Variants in GRM8 observed in about 807,000 individuals in gnomAD.
The protein encoded by GRM8 is metabotropic glutamate receptor 8.
GRM8 carries 47 observed loss-of-function variants against 87.2 expected under a neutral mutation model. The observed-to-expected ratio is 0.54, with a 90% CI of 0.43 to 0.69. GRM8 has a LOEUF of 0.69. Ranked by LOEUF, GRM8 falls within the 30% of genes least tolerant of loss-of-function variation. GRM8 has a pLI of 0.00. For missense variants in GRM8, 1,019 were observed against 1,139.2 expected, an observed-to-expected ratio of 0.89 and a Z score of 1.52; for synonymous variants, 396 against 404.5, an observed-to-expected ratio of 0.98 and a Z score of 0.25.
chr7:127,211,860 T>G (rs1342866757), intron 2 of GRM8, among the ~76,000 whole-genome samples: 1 of 152,188 alleles, frequency 6.6e-6, no homozygotes, highest in Non-Finnish European at 1.5e-5. Flanking sequence ...AATTACTCGG[T>G]CTAAGGTGTT....
intron 3 of GRM8, chr7:127,084,600 T>C (rs891469165): frequency 6.6e-6 from 1 of 152,126 alleles, no homozygotes; most frequent in Non-Finnish European, 1.5e-5. Context: ...TATAAGTCAA[T>C]AAAATTAAGC....
intron 7 of GRM8, among the ~76,000 whole-genome samples, chr7:126,615,373 A>C (rs1799362463): frequency 6.6e-6 from 1 of 152,188 alleles, no homozygotes; most frequent in Non-Finnish European, 1.5e-5. Context: ...TCCTGAAGGA[A>C]GCACTAAACA....
Position 127,212,410 on chromosome 7 carries a change from A to ATTTTTT in GRM8, c.510+30279_510+30284dup, listed in dbSNP as rs144077638. Among the ~76,000 whole-genome samples the ATTTTTT allele has an allele frequency of 1.9e-3, 186 of 97,676 alleles. 5 individuals are homozygous for ATTTTTT. The highest frequency in any genetic ancestry group is 3.5e-3 in the African/African-American group (77 of 22,122). The allele number at this position is 97,676 out of a possible 152,430, so 64.1% of individuals were successfully genotyped here. The stretch of plus-strand genomic sequence containing the variant: ...TATGAGCACACTAGGACATGGTGTT[A>ATTTTTT]TTTTTTTTTTTTTTTTTTTTTTTTT... On this transcript the variant is annotated intron_variant, in intron 2 of 10. Coordinates refer to ENST00000339582, the MANE Select transcript of GRM8 (RefSeq NM_000845.3).
intron 6 of GRM8, among the ~76,000 whole-genome samples, chr7:126,893,473 A>G (rs1299648037): frequency 6.6e-6 from 1 of 152,028 alleles, no homozygotes; most frequent in Admixed American, 6.6e-5. Flanking sequence ...TATCATTCCA[A>G]CAATTAAAAT....
chr7:126,874,258 T>C (rs902885922), intron 6 of GRM8, among the ~76,000 whole-genome samples: 1 of 152,074 alleles, frequency 6.6e-6, no homozygotes, highest in African/African-American at 2.4e-5. Context: ...ATGACTGGGG[T>C]AAAATAAAAC....
At chr7:126,495,582 G>A (rs1480194732) in intron 9 of GRM8, among the ~76,000 whole-genome samples, 2 of 151,940 alleles carry the variant, frequency 1.3e-5, no homozygotes, top group African/African-American at 4.8e-5. Context: ...GTTTGGGTAA[G>A]GGAGTATATG....
chr7:126,841,845 G>T (rs1796295758), intron 6 of GRM8, among the ~76,000 whole-genome samples: 1 of 151,804 alleles, frequency 6.6e-6, no homozygotes, highest in Non-Finnish European at 1.5e-5. Context: ...TGATAGCCAG[G>T]ATGGTCTCGA....
intron 2 of GRM8, among the ~76,000 whole-genome samples, chr7:127,131,433 G>T (rs1285903949): frequency 6.6e-6 from 1 of 152,082 alleles, no homozygotes; most frequent in East Asian, 1.9e-4. Flanking sequence ...TTTGATTTTT[G>T]ATATAAAGCC....
intron 6 of GRM8, among the ~76,000 whole-genome samples, chr7:126,778,805 T>C (rs999960100): frequency 6.6e-6 from 1 of 152,092 alleles, no homozygotes; most frequent in Admixed American, 6.6e-5. Context: ...TCAGACCCTA[T>C]GACTTGGCTC....
chr7:127,122,749 G>C (rs959280226), intron 2 of GRM8, among the ~76,000 whole-genome samples: 2 of 151,860 alleles, frequency 1.3e-5, no homozygotes, highest in Non-Finnish European at 2.9e-5. Context: ...TAGAATTCAA[G>C]GTAGCTCAAA....
At chr7:126,551,082 C>A (rs1792534460) in intron 8 of GRM8, among the ~76,000 whole-genome samples, 1 of 151,750 alleles carries the variant, frequency 6.6e-6, no homozygotes, top group Admixed American at 6.6e-5. Flanking sequence ...TTTAAACATC[C>A]CTGGTCTCCC....
At chr7:126,632,047 A>G (rs5918824) in intron 7 of GRM8, among the ~76,000 whole-genome samples, 1 of 152,216 alleles carries the variant, frequency 6.6e-6, no homozygotes, top group African/African-American at 2.4e-5. Flanking sequence ...TAATTATACT[A>G]AAGAGCTTCT....
chr7:126,511,837 A>G (rs571195956), intron 9 of GRM8: 8 of 152,248 alleles, frequency 5.3e-5, no homozygotes, highest in East Asian at 1.9e-4. Context: ...TATAAAGTTC[A>G]TAAGAATGCC....
chr7:126,502,041 C>T (rs1809728665), intron 9 of GRM8, among the ~76,000 whole-genome samples: 1 of 151,908 alleles, frequency 6.6e-6, no homozygotes, highest in Non-Finnish European at 1.5e-5. Context: ...ACCATATGAC[C>T]TGTTGGGATT....
At chr7:126,706,761 T>C (rs1201701445) in intron 7 of GRM8, among the ~76,000 whole-genome samples, 2 of 152,080 alleles carry the variant, frequency 1.3e-5, no homozygotes, top group South Asian at 4.1e-4. Context: ...TGAACATGAG[T>C]AGTTACAGCC....
chr7:126,865,554 C>G (rs1482828354), intron 6 of GRM8, among the ~76,000 whole-genome samples: 4 of 152,128 alleles, frequency 2.6e-5, no homozygotes, highest in Non-Finnish European at 5.9e-5. Context: ...AGCCCTATTC[C>G]CCTTACATAC....
chr7:127,223,108 T>C (rs2116730514), intron 2 of GRM8, among the ~76,000 whole-genome samples: 1 of 152,246 alleles, frequency 6.6e-6, no homozygotes, highest in South Asian at 2.1e-4. Context: ...CCCATAAGTC[T>C]AGCTAAAAAC....
chr7:126,541,616 T>C (rs1474921436), intron 8 of GRM8, among the ~76,000 whole-genome samples: 1 of 152,212 alleles, frequency 6.6e-6, no homozygotes, highest in Non-Finnish European at 1.5e-5. Flanking sequence ...TCAATCACGC[T>C]GAGGCTGTTG....
In GRM8 at chr7:126,561,803, T is replaced by A. The variant is rs1441706880; in HGVS notation, c.1495-27916A>T. On this transcript the variant is annotated intron_variant, in intron 8 of 10. Transcript: ENST00000339582. ...CCCCCCACCCCACAACAGTCCCCAG[T>A]GTGTGATGTTCCCCTTCCTGTGTCC... Among the ~76,000 whole-genome samples the A allele has an allele frequency of 5.2e-5, 6 of 114,618 alleles. No individual in the cohort carries two copies. The East Asian group carries it at 8.2e-4, about 16-fold the overall frequency. 75.2% of individuals were successfully genotyped at this position (114,618 alleles called of 152,430 possible).
Sources: gnomAD v4.1 joint callset for allele counts (sites outside exome capture counted in the v4.1 genomes callset) on GRCh38, gnomAD v4.1.1 for gene constraint, MANE v1.5 for transcripts, NCBI Gene and HGNC (gene_info 2026-07-23, HGNC 2026-07-21) for gene names.